The following UTRN variants were observed in gnomAD, a reference collection of about 807,000 sequenced individuals.
UTRN encodes utrophin.
Under a neutral mutation model 463.9 loss-of-function variants are expected in UTRN, and 283 were observed. The ratio of observed to expected loss-of-function variants is 0.61; its 90% confidence interval spans 0.55 to 0.67. UTRN has a LOEUF of 0.67. UTRN is among the 30% of genes least tolerant of loss of function. UTRN has a pLI of 0.00. For missense variants in UTRN, 3,922 were observed against 4,084.3 expected, an observed-to-expected ratio of 0.96 and a Z score of 1.08; for synonymous variants, 1,442 against 1,431.5, an observed-to-expected ratio of 1.01 and a Z score of -0.17.
chr6:144,574,026 G>A (rs1180605089), intron 50 of UTRN, among the ~76,000 whole-genome samples: 2 of 152,192 alleles, frequency 1.3e-5, no homozygotes, highest in Admixed American at 6.5e-5. Context: ...CCTTAAAGGA[G>A]TCGTAGGATT....
Position 144,386,355 on chromosome 6 carries a change from G to A in UTRN, c.80-16768G>A, listed in dbSNP as rs746668647. 3.3e-5 allele frequency among the ~76,000 whole-genome samples: 5 copies of A among 152,196 alleles called. No homozygotes were observed. In the East Asian group the frequency reaches 9.7e-4, roughly 30 times the overall value. ...GCACATGCCCTCCAGGTACCTGGGA[G>A]GCAGAGGTGGGAGAATCGCTTGAGC... On this transcript the variant is annotated intron_variant, in intron 2 of 74. Coordinates refer to ENST00000367545, the MANE Select transcript of UTRN (RefSeq NM_007124.3).
chr6:144,606,546 A>G (rs1348311788), intron 51 of UTRN, among the ~76,000 whole-genome samples: 3 of 152,200 alleles, frequency 2.0e-5, no homozygotes, highest in African/African-American at 7.2e-5. Context: ...GCCTTGTATT[A>G]TATTAAAAAT....
rs116508058 is a variant in UTRN at position 144,466,216 on chromosome 6, T to G, written c.3066+3350T>G. On this transcript the variant is annotated intron_variant, in intron 23 of 74. Coordinates refer to ENST00000367545, the MANE Select transcript of UTRN (RefSeq NM_007124.3). The stretch of plus-strand genomic sequence containing the variant: ...TTTGGAAGTGAATCCCACTACTTAA[T>G]AACATCTTTCATTGATACAGCACAT... Among the ~76,000 whole-genome samples the G allele has an allele frequency of 2.5e-3, 386 of 152,368 alleles. 5 individuals are homozygous for G. The highest frequency in any genetic ancestry group is 9.0e-3 in the African/African-American group (376 of 41,592).
At chr6:144,828,978 C>G in intron 69 of UTRN, 123 bp downstream of exon 69, 1 of 1,070,846 alleles carries the variant, frequency 9.3e-7, no homozygotes, top group Non-Finnish European at 1.4e-6. Context: ...AAGTGTGGTT[C>G]CAAAAATTTC....
chr6:144,721,734 A>G (rs1246732252), intron 53 of UTRN, among the ~76,000 whole-genome samples: 4 of 152,234 alleles, frequency 2.6e-5, no homozygotes, highest in East Asian at 3.8e-4. Flanking sequence ...TGTATCCATA[A>G]TGAGATATCT....
At chr6:144,351,056 C>A (rs936400697) in intron 2 of UTRN, among the ~76,000 whole-genome samples, 6 of 151,968 alleles carry the variant, frequency 3.9e-5, no homozygotes, top group African/African-American at 7.3e-5. Context: ...ATGAAAAAAA[C>A]CATTTTTTAT....
intron 26 of UTRN, among the ~76,000 whole-genome samples, chr6:144,481,326 C>G (rs1430056217): frequency 6.6e-6 from 1 of 152,136 alleles, no homozygotes; most frequent in Non-Finnish European, 1.5e-5. Flanking sequence ...TTTGCACCAA[C>G]CTGATAGGTT....
intron 1 of UTRN, among the ~76,000 whole-genome samples, chr6:144,290,198 T>A (rs1804087453): frequency 6.6e-6 from 1 of 152,242 alleles, no homozygotes; most frequent in South Asian, 2.1e-4. Flanking sequence ...TAAAGAAATT[T>A]AACATTGATA....
At chr6:144,423,010 C>A (rs946760303) in intron 4 of UTRN, among the ~76,000 whole-genome samples, 4 of 152,208 alleles carry the variant, frequency 2.6e-5, no homozygotes, top group Non-Finnish European at 5.9e-5. Flanking sequence ...GAATTCCCTG[C>A]CTTCCGAGGG....
At chr6:144,711,308 C>G (rs565338287) in intron 53 of UTRN, among the ~76,000 whole-genome samples, 2 of 151,822 alleles carry the variant, frequency 1.3e-5, no homozygotes, top group East Asian at 3.9e-4. Flanking sequence ...GATTGAGACT[C>G]CCGTCTCAAA....
intron 65 of UTRN, among the ~76,000 whole-genome samples, chr6:144,819,911 C>CCTCCTCCTCCTCCCT (rs11397588): frequency 8.4e-6 from 1 of 118,610 alleles, no homozygotes; most frequent in Admixed American, 9.2e-5. Flanking sequence ...TCCTCCTCCT[C>CCTCCTCCTCCTCCCT]CTCTCTCTCT....
chr6:144,536,562 A>G (rs1797552605), intron 43 of UTRN, among the ~76,000 whole-genome samples: 1 of 152,126 alleles, frequency 6.6e-6, no homozygotes, highest in Non-Finnish European at 1.5e-5. Flanking sequence ...TGTTTATTAA[A>G]TATAGAAGTA....
At chr6:144,498,859 T>C (rs1793914944) in intron 33 of UTRN, among the ~76,000 whole-genome samples, 2 of 152,124 alleles carry the variant, frequency 1.3e-5, no homozygotes, top group African/African-American at 4.8e-5. Context: ...TTTCATTTTG[T>C]AGAAAATGAG....
chr6:144,598,692 A>G (rs1334998090), intron 51 of UTRN, among the ~76,000 whole-genome samples: 2 of 152,156 alleles, frequency 1.3e-5, no homozygotes, highest in South Asian at 2.1e-4. Flanking sequence ...TCATGTTGAT[A>G]TCTTGTTACT....
chr6:144,361,409 A>T (rs1348534306), intron 2 of UTRN, among the ~76,000 whole-genome samples: 1 of 152,116 alleles, frequency 6.6e-6, no homozygotes, highest in Non-Finnish European at 1.5e-5. Context: ...GCAGGGAAAT[A>T]TTAGTTTCAA....
intron 51 of UTRN, among the ~76,000 whole-genome samples, chr6:144,628,100 A>G (rs1776138950): frequency 6.6e-6 from 1 of 151,762 alleles, no homozygotes; most frequent in African/African-American, 2.4e-5. Flanking sequence ...TGCCTGGCCA[A>G]TTTTCTTCTT....
chr6:144,850,889 C>G (rs1782436233), intron 74 of UTRN, 100 bp from the exon 75 acceptor site: 10 of 1,525,402 alleles, frequency 6.6e-6, no homozygotes, highest in Non-Finnish European at 9.1e-6. Context: ...AGTTAAGACT[C>G]TTGAAAGAAG....
At chr6:144,411,226 T>C (rs1783870196) in intron 3 of UTRN, among the ~76,000 whole-genome samples, 2 of 152,176 alleles carry the variant, frequency 1.3e-5, no homozygotes, top group Admixed American at 1.3e-4. Context: ...CATCTATTGG[T>C]TTTTGATTTT....
intron 55 of UTRN, among the ~76,000 whole-genome samples, chr6:144,750,891 C>G (rs1791323308): frequency 6.6e-6 from 1 of 152,086 alleles, no homozygotes; most frequent in Non-Finnish European, 1.5e-5. Flanking sequence ...TCTAAGTGCT[C>G]TTAGTAAGTT....
Sources: allele counts gnomAD v4.1 joint callset (sites outside exome capture counted in the v4.1 genomes callset), GRCh38; gene constraint gnomAD v4.1.1; transcripts MANE v1.5; gene names NCBI Gene and HGNC (gene_info 2026-07-23, HGNC 2026-07-21).